The following PRMT9 variants were observed in gnomAD, a reference collection of about 807,000 sequenced individuals.
The protein encoded by PRMT9 is protein arginine methyltransferase 9.
In PRMT9, 59 loss-of-function variants were observed where a neutral mutation model predicts 83.2. That is an observed-to-expected ratio of 0.71 (90% CI 0.57 to 0.88). PRMT9 has a LOEUF of 0.88. Ranked by LOEUF, PRMT9 falls within the 40% of genes least tolerant of loss-of-function variation. The pLI, the probability that PRMT9 is intolerant of heterozygous loss-of-function variation, is 0.00. For missense variants in PRMT9, 947 were observed against 1,021.9 expected (o/e 0.93, Z 1.00); for synonymous variants, 333 against 353.2 (o/e 0.94, Z 0.64).
chr4:147,657,524 TAAA>T (rs766358946), intron 8 of PRMT9, among the ~76,000 whole-genome samples: 1 of 139,308 alleles, frequency 7.2e-6, no homozygotes, highest in Non-Finnish European at 1.6e-5. Context: ...ACTCTGTCGT[TAAA>T]AAAAAAAAAA....
chr4:147,678,470 C>T (rs1578942544), intron 2 of PRMT9, among the ~76,000 whole-genome samples: 1 of 152,194 alleles, frequency 6.6e-6, no homozygotes, highest in South Asian at 2.1e-4. Flanking sequence ...ATTCTTCACG[C>T]ACATGTACTA....
intron 1 of PRMT9, among the ~76,000 whole-genome samples, chr4:147,682,904 A>T (rs1217102286): frequency 6.6e-6 from 1 of 152,000 alleles, no homozygotes; most frequent in East Asian, 1.9e-4. Context: ...TGCACAGGAC[A>T]CCTCCCCTCC....
At chr4:147,659,858 G>C (rs1734833460) in intron 7 of PRMT9, among the ~76,000 whole-genome samples, 1 of 152,146 alleles carries the variant, frequency 6.6e-6, no homozygotes, top group Admixed American at 6.5e-5. Context: ...TGGGAGGACA[G>C]GCATGAGCCA....
intron 6 of PRMT9, chr4:147,661,319 A>G (rs1734934972): frequency 2.9e-6 from 1 of 348,150 alleles, no homozygotes; most frequent in Non-Finnish European, 5.1e-6. Flanking sequence ...AGATATTTGT[A>G]ATAACTATAT....
chr4:147,645,412 G>T (rs1733666427), intron 9 of PRMT9, among the ~76,000 whole-genome samples: 1 of 152,106 alleles, frequency 6.6e-6, no homozygotes, highest in Admixed American at 6.5e-5. Flanking sequence ...AAGCAATGAA[G>T]AATATTACTG....
chr4:147,642,351 A>G (rs1394476247), intron 10 of PRMT9, among the ~76,000 whole-genome samples: 1 of 151,272 alleles, frequency 6.6e-6, no homozygotes, highest in Non-Finnish European at 1.5e-5. Context: ...CGATTCTCCC[A>G]CCTCAGTTTC....
chr4:147,679,727 G>A (rs1036627259), intron 2 of PRMT9, among the ~76,000 whole-genome samples: 1 of 152,148 alleles, frequency 6.6e-6, no homozygotes, highest in Admixed American at 6.5e-5. Flanking sequence ...TCCAGCCTGG[G>A]CTACAAAGTG....
At chr4:147,657,510 C>T (rs765983394) in intron 8 of PRMT9, among the ~76,000 whole-genome samples, 1 of 148,756 alleles carries the variant, frequency 6.7e-6, no homozygotes, top group Non-Finnish European at 1.5e-5. Context: ...GGCAAAAGAG[C>T]GAGACTCTGT....
chr4:147,671,942 T>C (rs1735763182), intron 4 of PRMT9: 1 of 453,720 alleles, frequency 2.2e-6, no homozygotes, highest in Non-Finnish European at 4.4e-6. Context: ...GAATCTGCAA[T>C]CCAGGAAGAG....
intron 4 of PRMT9, chr4:147,671,915 G>C (rs924937505): frequency 2.2e-6 from 1 of 455,090 alleles, no homozygotes; most frequent in Non-Finnish European, 4.4e-6. Flanking sequence ...GCCGTGTAAA[G>C]ACACAACAAG....
chr4:147,656,535 G>C (rs1159708171), intron 8 of PRMT9, among the ~76,000 whole-genome samples: 2 of 152,020 alleles, frequency 1.3e-5, no homozygotes. Context: ...CACTTTGGGA[G>C]GCTGAAGTGG....
chr4:147,639,041 A>G lies in PRMT9; in HGVS notation c.2241T>C (p.Cys747=). Residue 747 remains cysteine (C), a synonymous_variant, in exon 11 of 12, where the codon TGT becomes TGC. Transcript: ENST00000322396. ...RVFLDLSSLP[C]IPLSKPVELL... is the part of the protein sequence containing the mutation. ...GTTCCACTGGCTTGCTTAAAGGTAT[A>G]CAGGGCAATGAGGATAGGTCCAAAA... 2 of 1,613,242 alleles carry G rather than the reference A, an allele frequency of 1.2e-6. No individual in the cohort carries two copies. Among genetic ancestry groups the G allele is most frequent in the Non-Finnish European group, 1.7e-6 (2 of 1,179,300 alleles).
intron 1 of PRMT9, among the ~76,000 whole-genome samples, chr4:147,682,523 GCTGGTCTCAAA>G (rs1375306441): frequency 6.6e-6 from 1 of 151,658 alleles, no homozygotes; most frequent in Non-Finnish European, 1.5e-5. Flanking sequence ...TATTGGCCAG[GCTGGTCTCAAA>G]CTCCTGACCT....
chr4:147,664,034 C>G (rs929259638), intron 6 of PRMT9, among the ~76,000 whole-genome samples: 1 of 152,156 alleles, frequency 6.6e-6, no homozygotes, highest in Non-Finnish European at 1.5e-5. Context: ...ATAATGCAGG[C>G]AGGGCACAGT....
In PRMT9 at chr4:147,672,966, G is replaced by A; in HGVS notation, c.736C>T (p.Pro246Ser). The A allele has an allele frequency of 6.2e-7, 1 of 1,612,954 alleles. No individual in the cohort carries two copies. The highest frequency in any genetic ancestry group is 8.5e-7 in the Non-Finnish European group (1 of 1,179,090). Residue 246 changes from proline to serine, a missense_variant, in exon 4 of 12, where the codon CCC (proline) becomes TCC (serine). Physicochemically the swap from Pro to Ser is moderately conservative, Grantham distance 74. Transcript: ENST00000322396. The stretch of plus-strand genomic sequence containing the variant: ...TAGTTTACATGATAATACCTTTCGG[G>A]AATATGTTTTGGAATCTCTATGTCA... ...SLDIEIPKHIPERVSLVVTET... is the reference protein window; with the variant it reads ...SLDIEIPKHISERVSLVVTET...
chr4:147,670,598 T>C lies in PRMT9; in HGVS notation c.846+43A>G, dbSNP rs1735662634. 5 of 1,190,856 alleles carry C rather than the reference T, an allele frequency of 4.2e-6. No individual in the cohort carries two copies. In the Admixed American group the frequency reaches 6.7e-5, roughly 16 times the overall value. 73.8% of individuals were successfully genotyped at this position (1,190,856 alleles called of 1,614,324 possible). On this transcript the variant is annotated intron_variant, in intron 5 of 11. Transcript: ENST00000322396. ...AGGATTCAATAAATCTCTGATGAAA[T>C]AACGAATTCTTAATCAGTTGTAAGT... is the stretch of plus-strand genomic sequence containing the variant.
intron 6 of PRMT9, among the ~76,000 whole-genome samples, chr4:147,668,149 T>C (rs1422721886): frequency 3.9e-5 from 6 of 152,338 alleles, no homozygotes; most frequent in South Asian, 2.1e-4. Flanking sequence ...CTTACTGATA[T>C]GGTTTGACTC....
chr4:147,679,625 G>C (rs1736328638), intron 2 of PRMT9, among the ~76,000 whole-genome samples: 1 of 152,140 alleles, frequency 6.6e-6, no homozygotes, highest in Non-Finnish European at 1.5e-5. Context: ...GCAGGCGCCT[G>C]TAATGCCAGC....
At position 147,638,710 on chromosome 4, in the gene PRMT9, G is replaced by T; in HGVS notation, c.2360C>A (p.Pro787Gln). The change falls in exon 12 of 12, where the codon CCA becomes CAA. Residue 787 changes from proline to glutamine, a missense_variant. By Grantham distance (76) the Pro-to-Gln change is moderately conservative. Transcript: ENST00000322396. ...ATCAAGGTACATATGATACCAAAAT[G>T]GAATAGCAGTCAGTCTTCCAGATTT... is the stretch of plus-strand genomic sequence containing the variant. ...VCKSGRLTAIPFWYHMYLDEE... is the reference protein window; with the variant it reads ...VCKSGRLTAIQFWYHMYLDEE... 2 of 1,613,360 alleles carry T rather than the reference G, an allele frequency of 1.2e-6. No homozygotes were observed. Among genetic ancestry groups the T allele is most frequent in the Non-Finnish European group, 1.7e-6 (2 of 1,179,542 alleles).
Sources: gnomAD v4.1 joint callset for allele counts (sites outside exome capture counted in the v4.1 genomes callset) on GRCh38, gnomAD v4.1.1 for gene constraint, MANE v1.5 for transcripts, NCBI Gene and HGNC (gene_info 2026-07-23, HGNC 2026-07-21) for gene names.